Variants in STIM1 observed in about 807,000 individuals in gnomAD.
STIM1 encodes the protein stromal interaction molecule 1.
In STIM1, 25 loss-of-function variants were observed where a neutral mutation model predicts 74.7. The ratio of observed to expected loss-of-function variants is 0.33; its 90% CI spans 0.24 to 0.47. The LOEUF (loss-of-function observed/expected upper bound fraction) is 0.47, where lower values mean the gene tolerates loss of function less well. STIM1 is among the 20% of genes least tolerant of loss of function. The pLI, the probability that STIM1 is intolerant of heterozygous loss-of-function variation, is 1.00. For synonymous variants in STIM1, 328 were observed against 348.8 expected, an observed-to-expected ratio of 0.94 and a Z score of 0.66; for missense variants, 728 against 920.8, an observed-to-expected ratio of 0.79 and a Z score of 2.71.
At chr11:3,928,611 G>A (rs72847187) in intron 1 of STIM1, among the ~76,000 whole-genome samples, 7 of 152,144 alleles carry the variant, frequency 4.6e-5, no homozygotes, top group East Asian at 3.9e-4. Flanking sequence ...GTGTGTGCGC[G>A]TGTGTGCATG....
At chr11:4,067,728 G>C (rs2133149471) in intron 5 of STIM1, among the ~76,000 whole-genome samples, 1 of 152,286 alleles carries the variant, frequency 6.6e-6, no homozygotes, top group Non-Finnish European at 1.5e-5. Context: ...AAGAGACGAT[G>C]AATATAAATG....
At chr11:3,957,874 AT>A (rs912215137) in intron 1 of STIM1, among the ~76,000 whole-genome samples, 85 of 146,606 alleles carry the variant, frequency 5.8e-4, no homozygotes, top group African/African-American at 1.4e-3. Flanking sequence ...CAATGGATTA[AT>A]TTTTTTTTTT....
rs561457731 is a variant in STIM1 at position 4,008,718 on chromosome 11, A to G, written c.271-15155A>G. Among the ~76,000 whole-genome samples the G allele has an allele frequency of 1.9e-4, 29 of 152,310 alleles. No individual in the cohort carries two copies. In the East Asian group the frequency reaches 5.4e-3, roughly 28 times the overall value. Reference sequence around the variant, plus strand: ...ACCCACACTCACTCAGGCTAGGACCATGGAGACATGCCAGTTCACCTAAAA... The same window carrying G: ...ACCCACACTCACTCAGGCTAGGACCGTGGAGACATGCCAGTTCACCTAAAA... On this transcript the variant is annotated intron_variant, in intron 2 of 12. Coordinates refer to ENST00000526596, the MANE Select transcript of STIM1 (RefSeq NM_001382567.1).
intron 2 of STIM1, among the ~76,000 whole-genome samples, chr11:3,980,686 A>ACAACAACAACAACAAC (rs1319797329): frequency 2.8e-4 from 42 of 150,900 alleles, no homozygotes; most frequent in East Asian, 1.2e-3. Context: ...ACAACAAAAA[A>ACAACAACAACAACAAC]AAACAAATAG....
At chr11:4,011,483 G>A (rs2093835577) in intron 2 of STIM1, among the ~76,000 whole-genome samples, 1 of 152,186 alleles carries the variant, frequency 6.6e-6, no homozygotes, top group African/African-American at 2.4e-5. Flanking sequence ...CAGTGAAGAT[G>A]AGCATTTTTT....
chr11:4,057,864 C>T (rs967152562), intron 4 of STIM1, among the ~76,000 whole-genome samples: 6 of 145,368 alleles, frequency 4.1e-5, no homozygotes, highest in African/African-American at 2.6e-5. Flanking sequence ...AGCGAGACTC[C>T]GTCTCAAAAA....
chr11:3,951,132 G>C (rs193262369), intron 1 of STIM1, among the ~76,000 whole-genome samples: 1 of 152,190 alleles, frequency 6.6e-6, no homozygotes, highest in Admixed American at 6.5e-5. Flanking sequence ...TATGGAGCCT[G>C]GGCTGCCAGG....
In STIM1 at chr11:4,047,911, C is replaced by T. The variant is rs7925263; in HGVS notation, c.386-7615C>T. 3.4e-3 allele frequency among the ~76,000 whole-genome samples: 510 copies of T among 151,994 alleles called. 2 individuals are homozygous for T. The highest frequency in any genetic ancestry group is 0.011 in the African/African-American group (475 of 41,484). On this transcript the variant is annotated intron_variant, in intron 3 of 12. Transcript: ENST00000526596. ...TCAGCTCACTGCAACCTCCGCCTCCCAGGTTCGAGTGATTCTTCTGCCTCA... is the reference window on the plus strand; with the variant it reads ...TCAGCTCACTGCAACCTCCGCCTCCTAGGTTCGAGTGATTCTTCTGCCTCA...
chr11:3,896,522 G>A (rs562456748), intron 1 of STIM1, among the ~76,000 whole-genome samples: 11 of 152,290 alleles, frequency 7.2e-5, no homozygotes, highest in South Asian at 6.2e-4. Context: ...TTGAGCTGCC[G>A]ATGCAACACT....
At chr11:3,863,703 G>A (rs11826161) in intron 1 of STIM1, among the ~76,000 whole-genome samples, 1,587 of 152,072 alleles carry the variant, frequency 0.01, 24 homozygotes, top group South Asian at 0.036. Context: ...CAGCGTATTC[G>A]TGTACCATAG....
intron 12 of STIM1, among the ~76,000 whole-genome samples, chr11:4,089,501 G>A (rs1252552478): frequency 6.6e-6 from 1 of 152,200 alleles, no homozygotes; most frequent in Non-Finnish European, 1.5e-5. Context: ...ACAAGGACAA[G>A]TTTAGAAGCA....
chr11:3,971,289 G>A (rs1001649650), intron 2 of STIM1, among the ~76,000 whole-genome samples: 2 of 151,484 alleles, frequency 1.3e-5, no homozygotes, highest in African/African-American at 4.8e-5. Flanking sequence ...CAGCACTTTG[G>A]AAGGCCGAGG....
chr11:3,988,854 A>G (rs950711898), intron 2 of STIM1, among the ~76,000 whole-genome samples: 1 of 152,192 alleles, frequency 6.6e-6, no homozygotes, highest in Non-Finnish European at 1.5e-5. Context: ...GTATTATAGG[A>G]TATAAAAACT....
chr11:3,953,317 G>C (rs554359556), intron 1 of STIM1, among the ~76,000 whole-genome samples: 131 of 152,292 alleles, frequency 8.6e-4, no homozygotes, highest in African/African-American at 2.9e-3. Flanking sequence ...AAGCAAGGAT[G>C]TTCTATTTTA....
chr11:3,959,825 T>A (rs1171107636), intron 1 of STIM1, among the ~76,000 whole-genome samples: 1 of 151,884 alleles, frequency 6.6e-6, no homozygotes, highest in Non-Finnish European at 1.5e-5. Context: ...TTATTTGCCT[T>A]AAAAAAAACT....
intron 1 of STIM1, among the ~76,000 whole-genome samples, chr11:3,946,912 A>G (rs1261650495): frequency 1.3e-5 from 2 of 152,150 alleles, no homozygotes; most frequent in African/African-American, 4.8e-5. Context: ...TCAGGCTGTC[A>G]TCATTAAAAT....
chr11:4,048,351 C>A (rs1375428892), intron 3 of STIM1, among the ~76,000 whole-genome samples: 1 of 152,140 alleles, frequency 6.6e-6, no homozygotes, highest in East Asian at 1.9e-4. Flanking sequence ...AAACATAGAA[C>A]AAAGTTTAAG....
chr11:4,031,993 T>C (rs1413689643), intron 3 of STIM1, among the ~76,000 whole-genome samples: 1 of 152,262 alleles, frequency 6.6e-6, no homozygotes, highest in Non-Finnish European at 1.5e-5. Context: ...TCTAGAAGTT[T>C]TGTAGTTTTA....
chr11:4,013,690 C>CTTTTTTTT lies in STIM1; in HGVS notation c.271-10158_271-10151dup, dbSNP rs1169600270. On this transcript the variant is annotated intron_variant, in intron 2 of 12. Coordinates refer to ENST00000526596, the MANE Select transcript of STIM1 (RefSeq NM_001382567.1). ...AACCAGCTCCTGGATTCATTGATTT[C>CTTTTTTTT]TTTTTTTTTTTTTTTTTTTTTTTTT... Among the ~76,000 whole-genome samples, 176 of 51,940 alleles carry CTTTTTTTT rather than the reference C, an allele frequency of 3.4e-3. 27 individuals carry two copies. Among genetic ancestry groups the CTTTTTTTT allele is most frequent in the African/African-American group, 4.4e-3 (46 of 10,524 alleles). 34.1% of individuals were successfully genotyped at this position (51,940 alleles called of 152,430 possible).
Sources: allele counts gnomAD v4.1 joint callset (sites outside exome capture counted in the v4.1 genomes callset), GRCh38; gene constraint gnomAD v4.1.1; transcripts MANE v1.5; gene names NCBI Gene and HGNC (gene_info 2026-07-23, HGNC 2026-07-21).